ENTREP2: variants seen among roughly 807,000 people sequenced by gnomAD.
ENTREP2 encodes the protein protein ENTREP2.
the ENTREP2 span, among the ~76,000 whole-genome samples, chr15:29,343,570 G>GGT: frequency 1.0e-4 from 8 of 76,308 alleles, no homozygotes; most frequent in Admixed American, 1.5e-4. Flanking sequence ...AAAAAAACCA[G>GGT]GCGCTCTCTC....
chr15:29,674,863 G>C, the ENTREP2 span: 1 of 152,550 alleles, frequency 6.6e-6, no homozygotes, highest in Non-Finnish European at 1.5e-5. Flanking sequence ...CCCCGCACCT[G>C]TGGCGCCCCT....
chr15:29,555,307 C>T, the ENTREP2 span, among the ~76,000 whole-genome samples: 3 of 152,082 alleles, frequency 2.0e-5, no homozygotes, highest in Admixed American at 1.3e-4. Flanking sequence ...CTTTCAATGC[C>T]CGCTAGGGTT....
the ENTREP2 span, among the ~76,000 whole-genome samples, chr15:29,196,958 C>T: frequency 6.6e-6 from 1 of 152,194 alleles, no homozygotes; most frequent in South Asian, 2.1e-4. Flanking sequence ...TGCCTCACTT[C>T]ATGGCCTATC....
the ENTREP2 span, among the ~76,000 whole-genome samples, chr15:29,340,428 G>A: frequency 2.0e-5 from 3 of 152,162 alleles, no homozygotes; most frequent in Non-Finnish European, 4.4e-5. Context: ...CAGCAGGGAG[G>A]GTGGATTTGG....
At chr15:29,269,685 G>A in the ENTREP2 span, 1 of 1,552,022 alleles carries the variant, frequency 6.4e-7, no homozygotes, top group African/African-American at 1.4e-5. Flanking sequence ...AGCGGCCCCG[G>A]TTCCTCGGTT....
At chr15:29,305,911 C>T in the ENTREP2 span, among the ~76,000 whole-genome samples, 1 of 152,218 alleles carries the variant, frequency 6.6e-6, no homozygotes, top group Admixed American at 6.5e-5. Flanking sequence ...TGCTGAAGCA[C>T]TTCCCCTTTA....
chr15:29,621,512 G>A, the ENTREP2 span, among the ~76,000 whole-genome samples: 1 of 96,276 alleles, frequency 1.0e-5, no homozygotes, highest in Non-Finnish European at 1.8e-5. Flanking sequence ...GACAGAGTGA[G>A]ACTCTGTCTC....
the ENTREP2 span, among the ~76,000 whole-genome samples, chr15:29,495,365 T>C: frequency 6.6e-6 from 1 of 152,224 alleles, no homozygotes; most frequent in African/African-American, 2.4e-5. Context: ...CATTTCATTG[T>C]TTCCTTTGCT....
chr15:29,241,494 G>A, the ENTREP2 span, among the ~76,000 whole-genome samples: 1 of 152,076 alleles, frequency 6.6e-6, no homozygotes, highest in Non-Finnish European at 1.5e-5. Context: ...GGCAGAGAGA[G>A]GAGGGAGACT....
chr15:29,222,115 G>GTGAC, the ENTREP2 span, among the ~76,000 whole-genome samples: 8 of 152,200 alleles, frequency 5.3e-5, no homozygotes, highest in African/African-American at 1.9e-4. Context: ...TGAGGTAGGA[G>GTGAC]GTCAGCACAA....
At chr15:29,602,524 A>G in the ENTREP2 span, among the ~76,000 whole-genome samples, 1 of 151,972 alleles carries the variant, frequency 6.6e-6, no homozygotes, top group Non-Finnish European at 1.5e-5. Context: ...TTAGTTTATT[A>G]TTTTATTATT....
chr15:29,256,547 T>G, the ENTREP2 span, among the ~76,000 whole-genome samples: 1 of 152,190 alleles, frequency 6.6e-6, no homozygotes, highest in Non-Finnish European at 1.5e-5. Context: ...TGAAAATAGT[T>G]TAACATTTAT....
chr15:29,169,103 C>G, the ENTREP2 span, among the ~76,000 whole-genome samples: 23 of 152,230 alleles, frequency 1.5e-4, no homozygotes, highest in African/African-American at 5.1e-4. Context: ...ACTTTTGTAT[C>G]TTTGTGTGTG....
chr15:29,133,680 C>A, the ENTREP2 span, among the ~76,000 whole-genome samples: 1 of 152,352 alleles, frequency 6.6e-6, no homozygotes, highest in South Asian at 2.1e-4. Flanking sequence ...GCCCTGTAGC[C>A]TGTCGTGTGT....
At chr15:29,489,129 G>A in the ENTREP2 span, among the ~76,000 whole-genome samples, 2 of 141,562 alleles carry the variant, frequency 1.4e-5, no homozygotes, top group Non-Finnish European at 3.0e-5. Context: ...TTTCACCTCA[G>A]TAAAGAAAAA....
chr15:29,220,078 T>C, the ENTREP2 span, among the ~76,000 whole-genome samples: 1 of 152,188 alleles, frequency 6.6e-6, no homozygotes, highest in Non-Finnish European at 1.5e-5. Flanking sequence ...GGCGAGACAG[T>C]AGGCCAGAAG....
At chr15:29,552,671 T>C in the ENTREP2 span, among the ~76,000 whole-genome samples, 3 of 151,958 alleles carry the variant, frequency 2.0e-5, no homozygotes, top group Non-Finnish European at 2.9e-5. Flanking sequence ...ATGATAACAA[T>C]AGATGCAGAT....
the ENTREP2 span, among the ~76,000 whole-genome samples, chr15:29,498,431 T>C: frequency 6.6e-6 from 1 of 152,182 alleles, no homozygotes; most frequent in East Asian, 1.9e-4. Flanking sequence ...ATATTTGTAA[T>C]TTTCCCAATT....
chr15:29,631,030 C>T, the ENTREP2 span, among the ~76,000 whole-genome samples: 7 of 152,252 alleles, frequency 4.6e-5, no homozygotes, highest in African/African-American at 1.2e-4. Context: ...TTTTATTCTC[C>T]GTCATCTCTA....
Sources: gnomAD v4.1 joint callset for allele counts (sites outside exome capture counted in the v4.1 genomes callset) on GRCh38, gnomAD v4.1.1 for gene constraint, MANE v1.5 for transcripts, NCBI Gene and HGNC (gene_info 2026-07-23, HGNC 2026-07-21) for gene names.